PSORS1C2: variants seen among roughly 807,000 people sequenced by gnomAD.
PSORS1C2 encodes psoriasis susceptibility 1 candidate 2.
PSORS1C2 carries 13 observed loss-of-function variants against 12.2 expected under a neutral mutation model. That is an observed-to-expected ratio of 1.07 (90% CI 0.70 to 1.70). The LOEUF is 1.70. PSORS1C2 is among the 40% of genes most tolerant of loss of function. The pLI, the probability that PSORS1C2 is intolerant of heterozygous loss-of-function variation, is 0.00. For missense variants in PSORS1C2, 186 were observed against 173.4 expected (o/e 1.07, Z -0.41); for synonymous variants, 76 against 69.2 (o/e 1.10, Z -0.49).
chr6:31,138,733 G>C, intron 1 of PSORS1C2: 1 of 1,613,180 alleles, frequency 6.2e-7, no homozygotes, highest in Non-Finnish European at 8.5e-7. Context: ...TCCCCCCCAC[G>C]TTAATCCTGA....
Position 31,138,721 on chromosome 6 carries a change from C to T in PSORS1C2, c.55+251G>A, listed in dbSNP as rs540640358. The stretch of plus-strand genomic sequence containing the variant: ...CACAGATCCCAGCTCCGAGGAAACT[C>T]GTCCCCCCCACGTTAATCCTGACCG... On this transcript the variant is annotated intron_variant, in intron 1 of 1. Transcript: ENST00000259845. The T allele has an allele frequency of 1.4e-5, 22 of 1,590,254 alleles. No individual in the cohort carries two copies. Among genetic ancestry groups the T allele is most frequent in the Admixed American group, 5.2e-5 (3 of 58,114 alleles).
intron 1 of PSORS1C2, 55 bp from the exon 2 acceptor site, chr6:31,138,361 C>T (rs1215190716): frequency 2.5e-6 from 4 of 1,593,264 alleles, no homozygotes; most frequent in Middle Eastern, 1.7e-4. Flanking sequence ...CTCCCCAGCC[C>T]CACCCAGCCC....
Position 31,139,055 on chromosome 6 carries a change from TG to T in PSORS1C2, c.-30del. On this transcript the variant is annotated 5_prime_UTR_variant, in exon 1 of 2. Coordinates refer to ENST00000259845, the MANE Select transcript of PSORS1C2 (RefSeq NM_014069.3). The surrounding 1 kb of genome is among the most constrained non-coding windows in gnomAD (Gnocchi z 5.2). ...TATGTACTGGCCCCCAAAGCTGGGG[TG>T]GGCTGAGTCTGGGTGCCTGGGAACC... 6.2e-7 allele frequency: 1 copy of T among 1,611,222 alleles called. No homozygotes were observed. Among genetic ancestry groups the T allele is most frequent in the Non-Finnish European group, 8.5e-7 (1 of 1,177,838 alleles).
intron 1 of PSORS1C2, chr6:31,138,723 T>TC (rs9278990): frequency 0.12 from 186,299 of 1,612,684 alleles, 13,067 homozygotes; most frequent in Middle Eastern, 0.22. Context: ...AGGAAACTCG[T>TC]CCCCCCCACG....
At position 31,137,971 on chromosome 6, in the gene PSORS1C2, G is replaced by T; in HGVS notation, c.391C>A (p.Pro131Thr). ...CTCCATTATCTGTACTCTTCCCGGG[G>T]TGGGTCTAGGTCTGGCTCCTCCTGA... Reference protein sequence around the residue: ...RPQEEPDLDPPREEYR With the variant: ...RPQEEPDLDPTREEYR Residue 131 changes from proline (P) to threonine (T), a missense_variant, in exon 2 of 2, where the codon CCC becomes ACC. Physicochemically the swap from Pro to Thr is conservative, Grantham distance 38. Coordinates refer to ENST00000259845, the MANE Select transcript of PSORS1C2 (RefSeq NM_014069.3). The T allele has an allele frequency of 6.7e-7, 1 of 1,499,470 alleles. No homozygotes were observed. The highest frequency in any genetic ancestry group is 8.9e-7 in the Non-Finnish European group (1 of 1,124,792). The allele number at this position is 1,499,470 out of a possible 1,614,324, so 92.9% of individuals were successfully genotyped here.
At position 31,137,967 on chromosome 6, in the gene PSORS1C2, C is replaced by CG. The variant is rs35474509; in HGVS notation, c.394dup (p.Arg132ProfsTer28). On this transcript the variant is annotated frameshift_variant, in exon 2 of 2. Transcript: ENST00000259845. LOFTEE classifies it high-confidence loss of function. Reference sequence around the variant, plus strand: ...GGGACTCCATTATCTGTACTCTTCCCGGGGTGGGTCTAGGTCTGGCTCCTC... The same window carrying CG: ...GGGACTCCATTATCTGTACTCTTCCCGGGGGTGGGTCTAGGTCTGGCTCCTC... 1 of 1,496,604 alleles carries CG rather than the reference C, an allele frequency of 6.7e-7. No homozygotes were observed. Among genetic ancestry groups the CG allele is most frequent in the South Asian group, 1.4e-5 (1 of 71,836 alleles). The allele number at this position is 1,496,604 out of a possible 1,614,324, so 92.7% of individuals were successfully genotyped here. A position where few individuals can be genotyped will look rare whatever the true frequency, so the allele number is the denominator to read the frequency against.
At chr6:31,138,390 C>T in intron 1 of PSORS1C2, 84 bp from the exon 2 acceptor site, 2 of 1,600,276 alleles carry the variant, frequency 1.2e-6, no homozygotes, top group African/African-American at 1.3e-5. Context: ...GGAGGAGGAG[C>T]CTGTCTGGAT....
At chr6:31,138,726 C>G (rs1403213150) in intron 1 of PSORS1C2, 2 of 1,613,800 alleles carry the variant, frequency 1.2e-6, no homozygotes, top group Non-Finnish European at 1.7e-6. Context: ...AAACTCGTCC[C>G]CCCCACGTTA....
chr6:31,138,686 A>G (rs1210691272), intron 1 of PSORS1C2: 1 of 1,613,106 alleles, frequency 6.2e-7, no homozygotes, highest in African/African-American at 1.3e-5. Context: ...CAAGGACCCC[A>G]GCTCCTTAAC....
At chr6:31,138,866 G>A (rs1265095) in intron 1 of PSORS1C2, 106 bp downstream of exon 1, 860,580 of 1,600,658 alleles carry the variant, frequency 0.54, 236,555 homozygotes, top group African/African-American at 0.7. Context: ...CACCTTCTGC[G>A]TCCCCTGAAT....
chr6:31,138,133 G>A lies in PSORS1C2; in HGVS notation c.229C>T (p.Pro77Ser), dbSNP rs149656440. The change falls in exon 2 of 2, where the codon CCT (proline) becomes TCT (serine). Residue 77 changes from proline to serine, a missense_variant. Coordinates refer to ENST00000259845, the MANE Select transcript of PSORS1C2 (RefSeq NM_014069.3). ...TRPSRPWRDLPETGVWLPEPP... is the reference protein window; with the variant it reads ...TRPSRPWRDLSETGVWLPEPP... ...TCAGGGAGCCAGACTCCAGTTTCAG[G>A]CAGGTCTCTCCAGGGACGACTGGGG... is the stretch of plus-strand genomic sequence containing the variant. 62 of 1,606,306 alleles carry A rather than the reference G, an allele frequency of 3.9e-5. No homozygotes were observed. The highest frequency in any genetic ancestry group is 5.0e-5 in the Non-Finnish European group (59 of 1,177,218).
Position 31,138,163 on chromosome 6 carries a change from T to A in PSORS1C2, c.199A>T (p.Thr67Ser). 1.3e-6 allele frequency: 2 copies of A among 1,595,578 alleles called. No individual in the cohort carries two copies. The highest frequency in any genetic ancestry group is 1.1e-5 in the South Asian group (1 of 88,408). Residue 67 changes from threonine (T) to serine (S), a missense_variant, in exon 2 of 2, where the codon ACC (threonine) becomes TCC (serine). By Grantham distance (58) the Thr-to-Ser change is moderately conservative. Coordinates refer to ENST00000259845, the MANE Select transcript of PSORS1C2 (RefSeq NM_014069.3). ...TCTCTCCAGGGACGACTGGGGCGGG[T>A]AGGCGGAGGATCTTCAAAGAGAGGG... The part of the protein sequence containing the change: ...APPLFEDPPP[T>S]RPSRPWRDLP...
chr6:31,138,210 C>A lies in PSORS1C2; in HGVS notation c.152G>T (p.Gly51Val). Residue 51 changes from glycine to valine, a missense_variant, in exon 2 of 2, where the codon GGT becomes GTT. Transcript: ENST00000259845. ...AGGGGGTGCCCCTGGCCAAGGGTCA[C>A]CGGGGACTGGGGGGCCCTGAGGCAA... The part of the protein sequence containing the change: ...PTLPQGPPVP[G>V]DPWPGAPPLF... 1 of 1,571,018 alleles carries A rather than the reference C, an allele frequency of 6.4e-7. No homozygotes were observed. Among genetic ancestry groups the A allele is most frequent in the Non-Finnish European group, 8.6e-7 (1 of 1,160,758 alleles).
chr6:31,138,352 T>A lies in PSORS1C2; in HGVS notation c.56-46A>T. 2.5e-6 allele frequency: 4 copies of A among 1,601,140 alleles called. No individual in the cohort carries two copies. In the South Asian group the frequency reaches 4.4e-5, roughly 18 times the overall value. On this transcript the variant is annotated intron_variant, in intron 1 of 1. Transcript: ENST00000259845. Reference sequence around the variant, plus strand: ...AGGTAAGAGGTGGTGAGGGCTTCTCTCCCCAGCCCCACCCAGCCCCAGCCC... The same window carrying A: ...AGGTAAGAGGTGGTGAGGGCTTCTCACCCCAGCCCCACCCAGCCCCAGCCC...
chr6:31,138,643 C>T, intron 1 of PSORS1C2: 1 of 1,613,148 alleles, frequency 6.2e-7, no homozygotes, highest in Non-Finnish European at 8.5e-7. Flanking sequence ...GTGGGTTACA[C>T]CTTGGCCCCC....
rs1773305231 is a variant in PSORS1C2, at chr6:31,138,853, A to C, written c.55+119T>G. ...CAGAAAGCCATTTCTGGTGAGCCAG[A>C]TGCACCTTCTGCGTCCCCTGAATTC... On this transcript the variant is annotated intron_variant, in intron 1 of 1. Transcript: ENST00000259845. The C allele has an allele frequency of 7.5e-6, 12 of 1,608,030 alleles. No individual in the cohort carries two copies. The Admixed American group carries it at 1.7e-4, about 22-fold the overall frequency.
Position 31,139,060 on chromosome 6 carries a change from T to A in PSORS1C2, c.-34A>T. The stretch of plus-strand genomic sequence containing the variant: ...ACTGGCCCCCAAAGCTGGGGTGGGC[T>A]GAGTCTGGGTGCCTGGGAACCCCAA... On this transcript the variant is annotated 5_prime_UTR_variant, in exon 1 of 2. Coordinates refer to ENST00000259845, the MANE Select transcript of PSORS1C2 (RefSeq NM_014069.3). This position sits in a 1 kb window ranked among gnomAD's most constrained non-coding sequence, Gnocchi z 5.2. 1 of 1,603,030 alleles carries A rather than the reference T, an allele frequency of 6.2e-7. No individual in the cohort carries two copies. Among genetic ancestry groups the A allele is most frequent in the East Asian group, 2.2e-5 (1 of 44,810 alleles).
Position 31,138,480 on chromosome 6 carries a change from C to T in PSORS1C2, c.56-174G>A, listed in dbSNP as rs751225331. 2.2e-5 allele frequency: 36 copies of T among 1,611,628 alleles called. No individual in the cohort carries two copies. The Admixed American group carries it at 5.8e-4, about 26-fold the overall frequency. ...TCTCGGTAGGTTTGTAAATACTTAA[C>T]TGATGGTAAAATGTCATGAACCCCT... On this transcript the variant is annotated intron_variant, in intron 1 of 1. Coordinates refer to ENST00000259845, the MANE Select transcript of PSORS1C2 (RefSeq NM_014069.3).
chr6:31,137,689 C>G lies in PSORS1C2; in HGVS notation c.*262G>C, dbSNP rs3132558. The G allele has an allele frequency of 0.77, 291,753 of 379,488 alleles. 112,683 individuals carry two copies. The highest frequency in any genetic ancestry group is 0.87 in the East Asian group (22,998 of 26,404). The allele number at this position is 379,488 out of a possible 1,614,324, so 23.5% of individuals were successfully genotyped here. On this transcript the variant is annotated 3_prime_UTR_variant, in exon 2 of 2. Transcript: ENST00000259845. ...AGGAAGACCGGGTGGGAGGTAGGTGCGGCCGAGGCCTGGAGGCGAGGTAGG... is the reference window on the plus strand; with the variant it reads ...AGGAAGACCGGGTGGGAGGTAGGTGGGGCCGAGGCCTGGAGGCGAGGTAGG...
Sources: gnomAD v4.1 joint callset for allele counts on GRCh38, gnomAD v4.1.1 for gene constraint, Gnocchi (gnomAD v3.1) non-coding constraint, MANE v1.5 for transcripts, NCBI Gene and HGNC (gene_info 2026-07-23, HGNC 2026-07-21) for gene names.